The following FBRSL1 variants were observed in gnomAD, a reference collection of about 807,000 sequenced individuals.
FBRSL1 encodes fibrosin-1-like protein.
Under a neutral mutation model 89.6 loss-of-function variants are expected in FBRSL1, and 51 were observed. That is an observed-to-expected ratio of 0.57 (90% CI 0.45 to 0.72). The LOEUF is 0.72. Ranked by LOEUF, FBRSL1 falls within the 30% of genes least tolerant of loss-of-function variation. The pLI is 0.00. For missense variants in FBRSL1, 1,618 were observed against 1,451.8 expected (o/e 1.11, Z -1.86); for synonymous variants, 779 against 681.1 (o/e 1.14, Z -2.24).
chr12:132,509,123 G>A, intron 2 of FBRSL1: 3 of 1,183,908 alleles, frequency 2.5e-6, no homozygotes, highest in Non-Finnish European at 3.2e-6. Context: ...TCCGCGGGCG[G>A]TGACACCTGC....
chr12:132,502,504 C>T (rs1432307301), intron 1 of FBRSL1, among the ~76,000 whole-genome samples: 1 of 152,170 alleles, frequency 6.6e-6, no homozygotes, highest in Non-Finnish European at 1.5e-5. Context: ...CAGGACTGAC[C>T]TCCAGGCCTG....
At chr12:132,534,046 A>G (rs989450687) in intron 4 of FBRSL1, among the ~76,000 whole-genome samples, 2 of 152,122 alleles carry the variant, frequency 1.3e-5, no homozygotes, top group Admixed American at 6.5e-5. Context: ...TAGTACCACT[A>G]TCCCCCACCA....
At chr12:132,522,869 G>T (rs568827877) in intron 2 of FBRSL1, among the ~76,000 whole-genome samples, 1 of 152,098 alleles carries the variant, frequency 6.6e-6, no homozygotes, top group Non-Finnish European at 1.5e-5. Context: ...CGCACCTGCC[G>T]CCTGGCAGAC....
intron 18 of FBRSL1, 100 bp downstream of exon 18, chr12:132,582,366 C>T: frequency 1.0e-6 from 1 of 977,384 alleles, no homozygotes; most frequent in Non-Finnish European, 1.5e-6. Flanking sequence ...TCCCTCTTCT[C>T]CCCGTTTCCT....
chr12:132,553,710 G>A (rs929222625), intron 5 of FBRSL1: 1 of 152,290 alleles, frequency 6.6e-6, no homozygotes, highest in Non-Finnish European at 1.5e-5. Context: ...CAGAAGCGGG[G>A]CCTGGCTGAG....
chr12:132,533,414 G>A (rs1195188504), intron 4 of FBRSL1, among the ~76,000 whole-genome samples: 4 of 129,016 alleles, frequency 3.1e-5, no homozygotes, highest in Non-Finnish European at 5.0e-5. Flanking sequence ...GTCTCCTCCC[G>A]ACCCAGCCTC....
chr12:132,525,453 A>G (rs1290416517), intron 2 of FBRSL1, among the ~76,000 whole-genome samples: 3 of 152,264 alleles, frequency 2.0e-5, no homozygotes, highest in African/African-American at 7.2e-5. Context: ...GGTCCTGGGT[A>G]GGTCCTCCCC....
At chr12:132,561,418 G>C (rs1449293461) in intron 5 of FBRSL1, among the ~76,000 whole-genome samples, 3 of 149,460 alleles carry the variant, frequency 2.0e-5, no homozygotes, top group Non-Finnish European at 4.4e-5. Flanking sequence ...TAGAGTGTTT[G>C]GGTCCCAGTG....
chr12:132,509,372 T>C, intron 2 of FBRSL1: 1 of 1,242,920 alleles, frequency 8.0e-7, no homozygotes, highest in Non-Finnish European at 1.0e-6. Flanking sequence ...AGCGGTCACT[T>C]CTGGGCCTGA....
At chr12:132,509,724 C>T (rs1437819101) in intron 2 of FBRSL1, 2 of 1,231,370 alleles carry the variant, frequency 1.6e-6, no homozygotes, top group Non-Finnish European at 2.0e-6. Flanking sequence ...CTGCCGACCC[C>T]TGCGGCCGTG....
intron 5 of FBRSL1, chr12:132,551,482 C>A (rs554692694): frequency 4.4e-6 from 2 of 456,188 alleles, no homozygotes; most frequent in Non-Finnish European, 8.8e-6. Flanking sequence ...GCCTTCTGGA[C>A]GGAGTGGTGG....
chr12:132,562,221 G>C (rs2039188141), intron 5 of FBRSL1, among the ~76,000 whole-genome samples: 1 of 152,200 alleles, frequency 6.6e-6, no homozygotes, highest in South Asian at 2.1e-4. Flanking sequence ...GAGGCGAGCA[G>C]AGAGGAGAAA....
chr12:132,562,766 C>T (rs1462349981), intron 5 of FBRSL1, among the ~76,000 whole-genome samples: 2 of 152,102 alleles, frequency 1.3e-5, no homozygotes, highest in Non-Finnish European at 2.9e-5. Context: ...CCCGCCTCGG[C>T]TCTTGCCATC....
At chr12:132,537,351 C>T (rs1310564336) in intron 4 of FBRSL1, among the ~76,000 whole-genome samples, 1 of 152,108 alleles carries the variant, frequency 6.6e-6, no homozygotes, top group Non-Finnish European at 1.5e-5. Flanking sequence ...CTTTCCCCAC[C>T]CACGTCCCAT....
chr12:132,510,853 A>G, intron 2 of FBRSL1: 1 of 1,054,254 alleles, frequency 9.5e-7, no homozygotes, highest in Non-Finnish European at 1.1e-6. Context: ...TGTGCCTCTG[A>G]ATTGCCAATA....
chr12:132,572,210 C>T (rs1159787373), intron 9 of FBRSL1, 78 bp from the exon 10 acceptor site: 46 of 1,375,698 alleles, frequency 3.3e-5, no homozygotes, highest in Admixed American at 8.1e-5. Flanking sequence ...CTGCCCAGCC[C>T]GGCCAGGTGG....
rs201294644 is a variant in FBRSL1 at position 132,490,218 on chromosome 12, T to TGGCCGCCTG, written c.-353_-352insGGCCGCCTG. On this transcript the variant is annotated 5_prime_UTR_variant, in exon 1 of 19. Transcript: ENST00000680143. ...CCCGGTGCCCAGGAGCCCGGCCGCC[T>TGGCCGCCTG]CCCGCCTGCCGCCTGCCGCGCCCGC... 1 of 145,384 alleles carries TGGCCGCCTG rather than the reference T, an allele frequency of 6.9e-6. No individual in the cohort carries two copies. The highest frequency in any genetic ancestry group is 6.8e-5 in the Admixed American group (1 of 14,680). 9.0% of individuals were successfully genotyped at this position (145,384 alleles called of 1,614,324 possible). A position where few individuals can be genotyped will look rare whatever the true frequency, so the allele number is the denominator to read the frequency against.
Position 132,567,646 on chromosome 12 carries a change from A to G in FBRSL1, c.691+120A>G. The stretch of plus-strand genomic sequence containing the variant: ...GAGATGGTCTTGGCACCTGGGGTGC[A>G]GAGCTGGGTGGGACCAGGGTGCTGG... On this transcript the variant is annotated intron_variant, in intron 6 of 18. Coordinates refer to ENST00000680143, the MANE Select transcript of FBRSL1 (RefSeq NM_001367871.1). 2.8e-6 allele frequency: 3 copies of G among 1,055,500 alleles called. No individual in the cohort carries two copies. The South Asian group carries it at 4.4e-5, about 15-fold the overall frequency. The allele number at this position is 1,055,500 out of a possible 1,614,324, so 65.4% of individuals were successfully genotyped here. A position where few individuals can be genotyped will look rare whatever the true frequency, so the allele number is the denominator to read the frequency against.
intron 2 of FBRSL1, among the ~76,000 whole-genome samples, chr12:132,516,487 TA>T (rs2034855638): frequency 2.0e-5 from 3 of 152,234 alleles, no homozygotes; most frequent in African/African-American, 4.8e-5. Context: ...CCGGCTTAGA[TA>T]ATCTGAAGAG....
Sources: gnomAD v4.1 joint callset for allele counts (sites outside exome capture counted in the v4.1 genomes callset) on GRCh38, gnomAD v4.1.1 for gene constraint, MANE v1.5 for transcripts, NCBI Gene and HGNC (gene_info 2026-07-23, HGNC 2026-07-21) for gene names.